The following AADAT variants were observed in gnomAD, a reference collection of about 807,000 sequenced individuals.
AADAT encodes the protein kynurenine/alpha-aminoadipate aminotransferase, mitochondrial.
Under a neutral mutation model 56.2 loss-of-function variants are expected in AADAT, and 25 were observed. The observed-to-expected ratio is 0.44, with a 90% confidence interval of 0.32 to 0.62. The LOEUF (loss-of-function observed/expected upper bound fraction) is 0.62, where lower values mean the gene tolerates loss of function less well. Among genes scored for constraint, AADAT ranks in the 20% least tolerant of loss-of-function variants. AADAT has a pLI of 0.04. For missense variants in AADAT, 387 were observed against 510.5 expected (o/e 0.76, Z 2.33); for synonymous variants, 173 against 164.7 (o/e 1.05, Z -0.39).
At position 170,061,980 on chromosome 4, in the gene AADAT, G is replaced by C. The variant is rs1446118862; in HGVS notation, c.1148C>G (p.Pro383Arg). The C allele has an allele frequency of 6.2e-7, 1 of 1,611,822 alleles. No homozygotes were observed. The highest frequency in any genetic ancestry group is 8.5e-7 in the Non-Finnish European group (1 of 1,178,642). The change falls in exon 12 of 13, where the codon CCT (proline) becomes CGT (arginine). Residue 383 changes from proline to arginine, a missense_variant. Transcript: ENST00000337664. Reference protein sequence around the residue: ...KAVKMGVLMLPGNAFYVDSSA... With the variant: ...KAVKMGVLMLRGNAFYVDSSA... Reference sequence around the variant, plus strand: ...GCTATCGACGTAGAAAGCATTTCCAGGGAGCATTAATACCTAAGAGAGTTT... The same window carrying C: ...GCTATCGACGTAGAAAGCATTTCCACGGAGCATTAATACCTAAGAGAGTTT...
At chr4:170,079,429 C>T (rs551816300) in intron 3 of AADAT, among the ~76,000 whole-genome samples, 12 of 152,142 alleles carry the variant, frequency 7.9e-5, no homozygotes, top group Admixed American at 7.2e-4. Flanking sequence ...ATTAGATACT[C>T]GTCTTGAAAA....
chr4:170,090,993 C>G (rs1286524628), upstream of AADAT, among the ~76,000 whole-genome samples: 1 of 152,238 alleles, frequency 6.6e-6, no homozygotes, highest in Non-Finnish European at 1.5e-5. Context: ...CAGCAAAAGG[C>G]TGAGATAACC....
Position 170,063,627 on chromosome 4 carries a change from C to T in AADAT, c.1134+1092G>A, listed in dbSNP as rs561662775. 6.6e-5 allele frequency among the ~76,000 whole-genome samples: 10 copies of T among 152,296 alleles called. 1 individual carries two copies. The South Asian group carries it at 2.1e-3, about 32-fold the overall frequency. Reference sequence around the variant, plus strand: ...ATGGCTAAGAGAGGATAATAGCTTTCCCAAGGTGGTGGAGGTAGGACTGAA... The same window carrying T: ...ATGGCTAAGAGAGGATAATAGCTTTTCCAAGGTGGTGGAGGTAGGACTGAA... On this transcript the variant is annotated intron_variant, in intron 11 of 12. Coordinates refer to ENST00000337664, the MANE Select transcript of AADAT (RefSeq NM_016228.4).
At chr4:170,071,943 G>T (rs915649694) in intron 5 of AADAT, among the ~76,000 whole-genome samples, 1 of 152,150 alleles carries the variant, frequency 6.6e-6, no homozygotes, top group Non-Finnish European at 1.5e-5. Context: ...TAGATCAGAG[G>T]TTTGGGGTGG....
In AADAT at chr4:170,089,952, C is replaced by T. The variant is rs1732753195; in HGVS notation, c.-262G>A. On this transcript the variant is annotated 5_prime_UTR_variant, in exon 1 of 13. Transcript: ENST00000337664. The stretch of plus-strand genomic sequence containing the variant: ...CCCGGCAAAGTCCACGCCGCACGCG[C>T]TCCTGCGGCCGCCAGGGCCCAGGCC... The T allele has an allele frequency of 3.4e-6, 1 of 294,814 alleles. No homozygotes were observed. Among genetic ancestry groups the T allele is most frequent in the Non-Finnish European group, 6.2e-6 (1 of 160,166 alleles). 18.3% of individuals were successfully genotyped at this position (294,814 alleles called of 1,614,324 possible).
chr4:170,076,268 C>T (rs758836884), intron 4 of AADAT, among the ~76,000 whole-genome samples: 2 of 152,004 alleles, frequency 1.3e-5, no homozygotes. Flanking sequence ...TAATAGCCAT[C>T]GTGGTATGTG....
At chr4:170,068,394 T>G (rs1000015012) in intron 8 of AADAT, among the ~76,000 whole-genome samples, 197 bp downstream of exon 8, 5 of 152,184 alleles carry the variant, frequency 3.3e-5, no homozygotes, top group African/African-American at 1.2e-4. Flanking sequence ...AATTTACACA[T>G]TCTCTTAAAT....
At chr4:170,067,941 C>A (rs1324402779) in intron 8 of AADAT, among the ~76,000 whole-genome samples, 2 of 152,028 alleles carry the variant, frequency 1.3e-5, no homozygotes, top group African/African-American at 2.4e-5. Context: ...GAGTTAGAGA[C>A]CAGCCTGGCT....
intron 12 of AADAT, 93 bp from the exon 13 acceptor site, chr4:170,061,062 T>G: frequency 2.3e-6 from 2 of 887,022 alleles, no homozygotes; most frequent in Non-Finnish European, 3.2e-6. Context: ...AAAGAGTATC[T>G]GTCTAAGGTT....
At chr4:170,080,117 G>A (rs918801416) in intron 3 of AADAT, among the ~76,000 whole-genome samples, 1 of 152,142 alleles carries the variant, frequency 6.6e-6, no homozygotes, top group Non-Finnish European at 1.5e-5. Flanking sequence ...AAATGGTGGT[G>A]TAGAAGCAAG....
Position 170,066,463 on chromosome 4 carries a change from A to G in AADAT, c.978T>C (p.Tyr326=). The change falls in exon 10 of 13, where the codon TAT becomes TAC. Residue 326 remains tyrosine, a synonymous_variant. Coordinates refer to ENST00000337664, the MANE Select transcript of AADAT (RefSeq NM_016228.4). The part of the protein sequence containing the change: ...MAHVDRVIDF[Y]SNQKDAILAA... Reference sequence around the variant, plus strand: ...CCAGTATTGCATCCTTCTGGTTACTATAGAAATCAATAACCCTAGAAAAAG... The same window carrying G: ...CCAGTATTGCATCCTTCTGGTTACTGTAGAAATCAATAACCCTAGAAAAAG... 6.2e-7 allele frequency: 1 copy of G among 1,613,614 alleles called. No individual in the cohort carries two copies. The highest frequency in any genetic ancestry group is 8.5e-7 in the Non-Finnish European group (1 of 1,179,668).
At position 170,066,476 on chromosome 4, in the gene AADAT, A is replaced by C. The variant is rs1731467759; in HGVS notation, c.965T>G (p.Val322Gly). The C allele has an allele frequency of 6.2e-7, 1 of 1,613,032 alleles. No individual in the cohort carries two copies. The highest frequency in any genetic ancestry group is 8.5e-7 in the Non-Finnish European group (1 of 1,179,168). Reference protein sequence around the residue: ...EEGFMAHVDRVIDFYSNQKDA... With the variant: ...EEGFMAHVDRGIDFYSNQKDA... Reference sequence around the variant, plus strand: ...CTTCTGGTTACTATAGAAATCAATAACCCTAGAAAAAGAAAACAATGAAAT... The same window carrying C: ...CTTCTGGTTACTATAGAAATCAATACCCCTAGAAAAAGAAAACAATGAAAT... Residue 322 changes from valine to glycine, a missense_variant and splice_region_variant, in exon 10 of 13, where the codon GTT (valine) becomes GGT (glycine). By Grantham distance (109) the Val-to-Gly change is moderately radical (BLOSUM62 -3). Coordinates refer to ENST00000337664, the MANE Select transcript of AADAT (RefSeq NM_016228.4).
intron 4 of AADAT, among the ~76,000 whole-genome samples, chr4:170,075,448 C>T (rs1333327030): frequency 6.6e-6 from 1 of 152,092 alleles, no homozygotes; most frequent in Non-Finnish European, 1.5e-5. Flanking sequence ...AATCCTTACA[C>T]CTCAGTCTTC....
intron 11 of AADAT, among the ~76,000 whole-genome samples, chr4:170,062,692 G>C (rs545613174): frequency 1.3e-3 from 198 of 152,244 alleles, no homozygotes; most frequent in African/African-American, 4.5e-3. Flanking sequence ...CCTCTTTCTA[G>C]CTGTGTGTGA....
intron 10 of AADAT, among the ~76,000 whole-genome samples, chr4:170,065,380 A>G (rs1466236780): frequency 2.6e-5 from 4 of 152,232 alleles, no homozygotes; most frequent in Non-Finnish European, 5.9e-5. Context: ...AATCAAAAAC[A>G]AGCATAATGA....
At chr4:170,089,519 G>GGTA in intron 1 of AADAT, 105 bp downstream of exon 1, 1 of 1,236,022 alleles carries the variant, frequency 8.1e-7, no homozygotes, top group Non-Finnish European at 1.2e-6. Flanking sequence ...CGTGCACAGG[G>GGTA]GTACGCATGG....
At position 170,064,721 on chromosome 4, in the gene AADAT, C is replaced by T; in HGVS notation, c.1132G>A (p.Gly378Arg). 6.2e-7 allele frequency: 1 copy of T among 1,602,106 alleles called. No individual in the cohort carries two copies. The highest frequency in any genetic ancestry group is 8.5e-7 in the Non-Finnish European group (1 of 1,176,812). Residue 378 changes from glycine (G) to arginine (R), a missense_variant and splice_region_variant, in exon 11 of 13, where the codon GGG becomes AGG. Coordinates refer to ENST00000337664, the MANE Select transcript of AADAT (RefSeq NM_016228.4). The stretch of plus-strand genomic sequence containing the variant: ...AGCCCTTCACCTCCCAGTTTTACCC[C>T]CATCTTAACGGCCTTTTCTTCAATC... Reference protein sequence around the residue: ...ELIEEKAVKMGVLMLPGNAFY... With the variant: ...ELIEEKAVKMRVLMLPGNAFY...
upstream of AADAT, among the ~76,000 whole-genome samples, chr4:170,092,706 C>G (rs1329380557): frequency 6.6e-6 from 1 of 152,206 alleles, no homozygotes; most frequent in Non-Finnish European, 1.5e-5. Flanking sequence ...ATTAACCTTT[C>G]TCTGTATTGG....
intron 5 of AADAT, among the ~76,000 whole-genome samples, chr4:170,071,771 T>G (rs557646404): frequency 4.6e-5 from 7 of 151,880 alleles, no homozygotes; most frequent in South Asian, 2.1e-4. Flanking sequence ...ATGGGGACAG[T>G]GATGACAACA....
Sources: allele counts gnomAD v4.1 joint callset (sites outside exome capture counted in the v4.1 genomes callset), GRCh38; gene constraint gnomAD v4.1.1; transcripts MANE v1.5; gene names NCBI Gene and HGNC (gene_info 2026-07-23, HGNC 2026-07-21).